PCDH9: variants seen among roughly 807,000 people sequenced by gnomAD.
The protein encoded by PCDH9 is protocadherin-9.
PCDH9 carries 24 observed loss-of-function variants against 70.6 expected under a neutral mutation model. The observed-to-expected ratio is 0.34, with a 90% CI of 0.25 to 0.48. PCDH9 has a LOEUF of 0.48. Ranked by LOEUF, PCDH9 falls within the 20% of genes least tolerant of loss-of-function variation. PCDH9 has a pLI of 0.99. For missense variants in PCDH9, 1,281 were observed against 1,503.6 expected (o/e 0.85, Z 2.45); for synonymous variants, 562 against 558.5 (o/e 1.01, Z -0.09).
rs563458812 is a variant in PCDH9, at chr13:66,701,346, T to G, written c.3139-69935A>C. Among the ~76,000 whole-genome samples the G allele has an allele frequency of 3.3e-5, 5 of 152,128 alleles. No individual in the cohort carries two copies. The South Asian group carries it at 8.3e-4, about 25-fold the overall frequency. On this transcript the variant is annotated intron_variant, in intron 3 of 4. Coordinates refer to ENST00000377865, the MANE Select transcript of PCDH9 (RefSeq NM_203487.3). The stretch of plus-strand genomic sequence containing the variant: ...GTAAATATACACACACTGGTGTACA[T>G]GTATGAGTATGTAAATATACCAGTG...
chr13:66,944,817 C>CTGTGTGTGTGTG (rs67182136), intron 2 of PCDH9, among the ~76,000 whole-genome samples: 2,348 of 135,388 alleles, frequency 0.017, 72 homozygotes, highest in African/African-American at 0.054. Context: ...CTAATCGTCT[C>CTGTGTGTGTGTG]TGTGTGTGTG....
intron 3 of PCDH9, among the ~76,000 whole-genome samples, chr13:66,852,499 A>G (rs1021332157): frequency 6.6e-6 from 1 of 152,200 alleles, no homozygotes. Context: ...GGAAAGATAC[A>G]TATGTATAAT....
chr13:66,666,375 C>T (rs2078097506), intron 3 of PCDH9, among the ~76,000 whole-genome samples: 1 of 151,994 alleles, frequency 6.6e-6, no homozygotes, highest in Admixed American at 6.6e-5. Flanking sequence ...GGCTCAAGGT[C>T]CCATTTGCTC....
At chr13:67,223,696 C>G (rs1370737405) in intron 2 of PCDH9, 1 of 152,068 alleles carries the variant, frequency 6.6e-6, no homozygotes, top group South Asian at 2.1e-4. Flanking sequence ...TTTTCAAATA[C>G]TAACAAAGTT....
At chr13:67,179,206 T>C (rs535799407) in intron 2 of PCDH9, among the ~76,000 whole-genome samples, 2 of 152,206 alleles carry the variant, frequency 1.3e-5, no homozygotes, top group Admixed American at 1.3e-4. Context: ...AGGTGGAAAC[T>C]GAGGTTTAGA....
chr13:66,916,950 C>T (rs1391283430), intron 2 of PCDH9, among the ~76,000 whole-genome samples: 3 of 151,444 alleles, frequency 2.0e-5, no homozygotes, highest in Non-Finnish European at 3.0e-5. Flanking sequence ...TTTAAACAAG[C>T]AATAGAAAGT....
intron 4 of PCDH9, among the ~76,000 whole-genome samples, chr13:66,392,172 G>A (rs1957029484): frequency 6.6e-6 from 1 of 151,208 alleles, no homozygotes; most frequent in Non-Finnish European, 1.5e-5. Flanking sequence ...GAAATACTAA[G>A]ATTAGGAAGT....
At chr13:66,997,114 A>C (rs1219145886) in intron 2 of PCDH9, among the ~76,000 whole-genome samples, 1 of 152,196 alleles carries the variant, frequency 6.6e-6, no homozygotes, top group Non-Finnish European at 1.5e-5. Context: ...TTATCCATTC[A>C]TTCATGGAAT....
At position 67,170,169 on chromosome 13, in the gene PCDH9, G is replaced by A. The variant is rs535312040; in HGVS notation, c.3036+55236C>T. Among the ~76,000 whole-genome samples the A allele has an allele frequency of 9.9e-5, 15 of 152,240 alleles. 1 individual carries two copies. The South Asian group carries it at 2.7e-3, about 27-fold the overall frequency. ...AACCATCAGATTACTTTTATTTATG[G>A]TCTTTAGCAAAGCTCTATTTGGTAT... On this transcript the variant is annotated intron_variant, in intron 2 of 4. Transcript: ENST00000377865.
chr13:66,588,848 T>G lies in PCDH9; in HGVS notation c.3340+42362A>C, dbSNP rs909465401. Among the ~76,000 whole-genome samples, 18 of 151,778 alleles carry G rather than the reference T, an allele frequency of 1.2e-4. 1 individual carries two copies. In the South Asian group the frequency reaches 1.7e-3, roughly 14 times the overall value. On this transcript the variant is annotated intron_variant, in intron 4 of 4. Coordinates refer to ENST00000377865, the MANE Select transcript of PCDH9 (RefSeq NM_203487.3). ...AAAAAAAAAAACTACAGATAAAAAT[T>G]CCATTTTTTCAGGGGAATTACAACT... is the stretch of plus-strand genomic sequence containing the variant.
At chr13:67,015,225 G>A (rs1177045161) in intron 2 of PCDH9, among the ~76,000 whole-genome samples, 1 of 152,070 alleles carries the variant, frequency 6.6e-6, no homozygotes, top group East Asian at 1.9e-4. Context: ...TGTGTTATCA[G>A]TCTGCACACA....
intron 2 of PCDH9, among the ~76,000 whole-genome samples, chr13:66,995,845 C>T (rs557055094): frequency 2.4e-4 from 37 of 152,112 alleles, no homozygotes; most frequent in Non-Finnish European, 4.3e-4. Context: ...TGAATTCAAA[C>T]TAAAAGAACC....
intron 2 of PCDH9, among the ~76,000 whole-genome samples, chr13:67,161,326 C>T (rs1016199949): frequency 2.0e-5 from 3 of 152,176 alleles, no homozygotes; most frequent in Non-Finnish European, 4.4e-5. Flanking sequence ...AATCTATGTT[C>T]ATAAATAAGA....
chr13:66,848,533 T>C (rs1328663360), intron 3 of PCDH9, among the ~76,000 whole-genome samples: 1 of 152,196 alleles, frequency 6.6e-6, no homozygotes, highest in Non-Finnish European at 1.5e-5. Context: ...CTGTCACTAA[T>C]GGCTAAATAT....
At chr13:67,136,218 T>C (rs1350381656) in intron 2 of PCDH9, among the ~76,000 whole-genome samples, 1 of 152,150 alleles carries the variant, frequency 6.6e-6, no homozygotes, top group African/African-American at 2.4e-5. Flanking sequence ...TAACATGCTG[T>C]AGAAGTTTGC....
At chr13:67,093,678 G>A (rs995485784) in intron 2 of PCDH9, among the ~76,000 whole-genome samples, 1 of 152,092 alleles carries the variant, frequency 6.6e-6, no homozygotes, top group Non-Finnish European at 1.5e-5. Flanking sequence ...GGCTACTAAA[G>A]TCAATACCTG....
At chr13:67,096,433 TAGAA>T (rs1183470978) in intron 2 of PCDH9, among the ~76,000 whole-genome samples, 4 of 152,104 alleles carry the variant, frequency 2.6e-5, no homozygotes. Flanking sequence ...TTCTTAAGAG[TAGAA>T]AGAGAGGAAA....
intron 2 of PCDH9, among the ~76,000 whole-genome samples, chr13:67,088,507 T>C (rs749083535): frequency 6.6e-5 from 10 of 151,976 alleles, no homozygotes; most frequent in Non-Finnish European, 8.8e-5. Context: ...TTACCAAAAG[T>C]CGTAAGAAAA....
At chr13:66,932,963 TTAAGA>T in intron 2 of PCDH9, among the ~76,000 whole-genome samples, 1 of 151,540 alleles carries the variant, frequency 6.6e-6, no homozygotes, top group East Asian at 1.9e-4. Context: ...TAATATATAG[TTAAGA>T]TAATTAAATT....
Sources: gnomAD v4.1 joint callset for allele counts (sites outside exome capture counted in the v4.1 genomes callset) on GRCh38, gnomAD v4.1.1 for gene constraint, MANE v1.5 for transcripts, NCBI Gene and HGNC (gene_info 2026-07-23, HGNC 2026-07-21) for gene names.